The following DDX19B variants were observed in gnomAD, a reference collection of about 807,000 sequenced individuals.
DDX19B encodes the protein ATP-dependent RNA helicase DDX19B.
Under a neutral mutation model 58.1 loss-of-function variants are expected in DDX19B, and 27 were observed. The ratio of observed to expected loss-of-function variants is 0.46; its 90% CI spans 0.34 to 0.64. The LOEUF is 0.64. Ranked by LOEUF, DDX19B falls within the 30% of genes least tolerant of loss-of-function variation. The probability of loss-of-function intolerance (pLI) is 0.01; values close to 1 mark genes in which losing one functional copy is unlikely to be tolerated. For synonymous variants in DDX19B, 187 were observed against 214.4 expected, an observed-to-expected ratio of 0.87 and a Z score of 1.12; for missense variants, 399 against 596.5, an observed-to-expected ratio of 0.67 and a Z score of 3.45.
chr16:70,319,576 C>CTTTTTT (rs112394000), intron 5 of DDX19B: 1 of 145,730 alleles, frequency 6.9e-6, no homozygotes, highest in African/African-American at 2.5e-5. Flanking sequence ...TTCTGAATCT[C>CTTTTTT]TTTTTTTTTT....
chr16:70,326,728 G>A (rs1963167465), intron 7 of DDX19B, among the ~76,000 whole-genome samples: 1 of 152,006 alleles, frequency 6.6e-6, no homozygotes, highest in Admixed American at 6.6e-5. Context: ...TACAGATGGG[G>A]TTTCACCACG....
rs1011231782 is a variant in DDX19B at position 70,313,088 on chromosome 16, G to A, written c.106+431G>A. Among the ~76,000 whole-genome samples, 12 of 151,960 alleles carry A rather than the reference G, an allele frequency of 7.9e-5. No individual in the cohort carries two copies. The South Asian group carries it at 2.1e-3, about 26-fold the overall frequency. ...GGCTGGAGTGCAGTGGCTCGATCTCGGCTCACTGTAAGCTCCACCTCCCGG... is the reference window on the plus strand; with the variant it reads ...GGCTGGAGTGCAGTGGCTCGATCTCAGCTCACTGTAAGCTCCACCTCCCGG... On this transcript the variant is annotated intron_variant, in intron 2 of 11. Coordinates refer to ENST00000288071, the MANE Select transcript of DDX19B (RefSeq NM_007242.7).
intron 1 of DDX19B, among the ~76,000 whole-genome samples, chr16:70,308,425 C>G (rs560972798): frequency 6.6e-6 from 1 of 151,660 alleles, no homozygotes; most frequent in South Asian, 2.1e-4. Flanking sequence ...TTAGTAGAGA[C>G]AGGGTTTTAC....
chr16:70,323,714 G>A (rs913476379), intron 5 of DDX19B, among the ~76,000 whole-genome samples: 15 of 152,066 alleles, frequency 9.9e-5, no homozygotes, highest in African/African-American at 3.1e-4. Flanking sequence ...ATGAGCCACC[G>A]CGCCTGGCCT....
intron 4 of DDX19B, among the ~76,000 whole-genome samples, chr16:70,316,544 C>T (rs1445469757): frequency 2.0e-5 from 3 of 152,042 alleles, no homozygotes; most frequent in Admixed American, 6.6e-5. Context: ...AGCTGGGTGC[C>T]GTAGTGCACA....
At chr16:70,299,730 AG>A (rs914569525) in intron 1 of DDX19B, among the ~76,000 whole-genome samples, 3 of 152,098 alleles carry the variant, frequency 2.0e-5, no homozygotes, top group Non-Finnish European at 4.4e-5. Context: ...GGCCTTTCAA[AG>A]CACCAGGATT....
intron 1 of DDX19B, among the ~76,000 whole-genome samples, chr16:70,310,684 A>G (rs1052221417): frequency 1.3e-5 from 2 of 152,146 alleles, no homozygotes; most frequent in East Asian, 1.9e-4. Flanking sequence ...CTTTCCATCT[A>G]TCTAATCCCT....
chr16:70,327,094 A>G (rs2152211230), intron 7 of DDX19B, among the ~76,000 whole-genome samples: 1 of 151,640 alleles, frequency 6.6e-6, no homozygotes, highest in East Asian at 2.0e-4. Context: ...TTGGCCTCCC[A>G]AAGTGCTGGG....
intron 1 of DDX19B, among the ~76,000 whole-genome samples, chr16:70,308,173 G>A (rs1026253090): frequency 7.3e-5 from 11 of 151,690 alleles, no homozygotes; most frequent in African/African-American, 1.5e-4. Flanking sequence ...GTCTGGTCTC[G>A]AACTCCTGAC....
chr16:70,314,817 A>G (rs1962285824), intron 2 of DDX19B, 85 bp from the exon 3 acceptor site: 1 of 1,495,766 alleles, frequency 6.7e-7, no homozygotes, highest in South Asian at 1.1e-5. Context: ...CTTTACAAAA[A>G]CTTCTAGTGT....
At chr16:70,297,107 G>A (rs1028258813), upstream of DDX19B, among the ~76,000 whole-genome samples, 1 of 152,054 alleles carries the variant, frequency 6.6e-6, no homozygotes, top group African/African-American at 2.4e-5. Context: ...GTAGAGACAG[G>A]GTTTCACCAT....
rs1001017221 is a variant in DDX19B at position 70,333,679 on chromosome 16, C to G, written c.*97C>G. On this transcript the variant is annotated 3_prime_UTR_variant, in exon 12 of 12. Coordinates refer to ENST00000288071, the MANE Select transcript of DDX19B (RefSeq NM_007242.7). ...GGCCCCGACATCACCCCAAGGACAA[C>G]GGCACAAGTAGAGAGAAACTACCTA... 4.4e-6 allele frequency: 7 copies of G among 1,575,230 alleles called. No individual in the cohort carries two copies. The highest frequency in any genetic ancestry group is 1.7e-5 in the Admixed American group (1 of 58,628).
intron 7 of DDX19B, among the ~76,000 whole-genome samples, chr16:70,326,238 C>G (rs1013460664): frequency 5.3e-5 from 8 of 152,158 alleles, no homozygotes; most frequent in African/African-American, 1.9e-4. Flanking sequence ...CTTTGGGAGG[C>G]CGAGGCGGGC....
Position 70,305,153 on chromosome 16 carries a change from T to A in DDX19B, c.57+5799T>A, listed in dbSNP as rs1294894146. ...TGTCTATTCTGACCTTAACTATATA[T>A]CTTTAGTGGTCTATGTCAGCATCCT... On this transcript the variant is annotated intron_variant, in intron 1 of 11. Coordinates refer to ENST00000288071, the MANE Select transcript of DDX19B (RefSeq NM_007242.7). Among the ~76,000 whole-genome samples, 3 of 152,144 alleles carry A rather than the reference T, an allele frequency of 2.0e-5. No individual in the cohort carries two copies. The East Asian group carries it at 5.8e-4, about 29-fold the overall frequency.
intron 6 of DDX19B, 22 bp from the exon 7 acceptor site, chr16:70,325,552 C>T (rs752890711): frequency 7.2e-5 from 112 of 1,553,968 alleles, no homozygotes; most frequent in Non-Finnish European, 9.6e-5. Context: ...TGAATTTGCA[C>T]TCTGCATTCT....
At chr16:70,298,218 C>T (rs373060049), upstream of DDX19B, among the ~76,000 whole-genome samples, 2 of 152,080 alleles carry the variant, frequency 1.3e-5, no homozygotes, top group African/African-American at 4.8e-5. Flanking sequence ...CCATCCTGGC[C>T]AACATGGTGA....
chr16:70,295,185 G>C, upstream of DDX19B: 1 of 762,022 alleles, frequency 1.3e-6, no homozygotes, highest in South Asian at 6.2e-5. Flanking sequence ...TTCTTTCCAC[G>C]CCCGCTTTGG....
chr16:70,305,861 C>T (rs889388610), intron 1 of DDX19B, among the ~76,000 whole-genome samples: 3 of 151,720 alleles, frequency 2.0e-5, no homozygotes, highest in African/African-American at 7.3e-5. Flanking sequence ...CCTGGGTTCA[C>T]GCCATTCTCC....
At chr16:70,312,252 C>T (rs577191996) in intron 1 of DDX19B, among the ~76,000 whole-genome samples, 9 of 152,128 alleles carry the variant, frequency 5.9e-5, no homozygotes, top group East Asian at 1.9e-4. Context: ...TGGAATGCAG[C>T]GATTCCCCCC....
Sources: gnomAD v4.1 joint callset for allele counts (sites outside exome capture counted in the v4.1 genomes callset) on GRCh38, gnomAD v4.1.1 for gene constraint, MANE v1.5 for transcripts, NCBI Gene and HGNC (gene_info 2026-07-23, HGNC 2026-07-21) for gene names.